GRM3: variants seen among roughly 807,000 people sequenced by gnomAD.
GRM3 encodes the protein metabotropic glutamate receptor 3.
In GRM3, 26 loss-of-function variants were observed where a neutral mutation model predicts 70.5. That is an observed-to-expected ratio of 0.37 (90% CI 0.27 to 0.51). The LOEUF (loss-of-function observed/expected upper bound fraction) is 0.51. GRM3 is among the 20% of genes least tolerant of loss of function. The pLI, the probability that GRM3 is intolerant of heterozygous loss-of-function variation, is 0.93. For synonymous variants in GRM3, 443 were observed against 434.9 expected, an observed-to-expected ratio of 1.02 and a Z score of -0.23; for missense variants, 859 against 1,123.8, an observed-to-expected ratio of 0.76 and a Z score of 3.37.
At chr7:86,750,924 C>G (rs542144629) in intron 1 of GRM3, among the ~76,000 whole-genome samples, 33 of 151,990 alleles carry the variant, frequency 2.2e-4, no homozygotes, top group Non-Finnish European at 2.9e-4. Flanking sequence ...ACTTTCAATA[C>G]AATTTGTGTG....
intron 4 of GRM3, among the ~76,000 whole-genome samples, chr7:86,842,215 G>T (rs2116745350): frequency 6.6e-6 from 1 of 152,256 alleles, no homozygotes; most frequent in East Asian, 1.9e-4. Flanking sequence ...GAAACCCTCA[G>T]CTCTAATAAA....
In GRM3 at chr7:86,649,037, C is replaced by T. The variant is rs567403418; in HGVS notation, c.-141+4165C>T. On this transcript the variant is annotated intron_variant, in intron 1 of 5. Transcript: ENST00000361669. ...GCTATCTTACTGCTTGTTAAGCATTCGACGGTACATGGAAACACTCACGTG... is the reference window on the plus strand; with the variant it reads ...GCTATCTTACTGCTTGTTAAGCATTTGACGGTACATGGAAACACTCACGTG... Among the ~76,000 whole-genome samples, 9 of 152,194 alleles carry T rather than the reference C, an allele frequency of 5.9e-5. No individual in the cohort carries two copies. In the South Asian group the frequency reaches 1.0e-3, roughly 18 times the overall value.
In GRM3 at chr7:86,828,111, CAAAAAA is replaced by C. The variant is rs55645713; in HGVS notation, c.1325-10707_1325-10702del. Among the ~76,000 whole-genome samples, 46 of 68,290 alleles carry C rather than the reference CAAAAAA, an allele frequency of 6.7e-4. No individual in the cohort carries two copies. The South Asian group carries it at 9.1e-3, about 13-fold the overall frequency. The allele number at this position is 68,290 out of a possible 152,430, so 44.8% of individuals were successfully genotyped here. A position where few individuals can be genotyped will look rare whatever the true frequency, so the allele number is the denominator to read the frequency against. Reference sequence around the variant, plus strand: ...TGGGCGACTGAGCAGAACTCCGTATCAAAAAAAAAAAAAAAAAAAAAAAAAATCCAA... The same window carrying C: ...TGGGCGACTGAGCAGAACTCCGTATCAAAAAAAAAAAAAAAAAAAATCCAA... On this transcript the variant is annotated intron_variant, in intron 3 of 5. Coordinates refer to ENST00000361669, the MANE Select transcript of GRM3 (RefSeq NM_000840.3).
chr7:86,681,030 A>G (rs933885436), intron 1 of GRM3, among the ~76,000 whole-genome samples: 1 of 152,136 alleles, frequency 6.6e-6, no homozygotes, highest in African/African-American at 2.4e-5. Flanking sequence ...CAGCACAATT[A>G]TCACAGCATT....
Position 86,839,595 on chromosome 7 carries a change from G to T in GRM3, c.2081G>T (p.Gly694Val). 1.9e-6 allele frequency: 3 copies of T among 1,613,946 alleles called. No individual in the cohort carries two copies. The highest frequency in any genetic ancestry group is 2.5e-6 in the Non-Finnish European group (3 of 1,179,946). ...AGTTCTCAGGTTTTCATCTGCCTGG[G>T]TCTGATCCTGGTGCAAATTGTGATG... Reference protein sequence around the residue: ...SPSSQVFICLGLILVQIVMVS... With the variant: ...SPSSQVFICLVLILVQIVMVS... The change falls in exon 4 of 6, where the codon GGT becomes GTT. Residue 694 changes from glycine to valine, a missense_variant. Physicochemically the swap from Gly to Val is moderately radical, Grantham distance 109. Transcript: ENST00000361669. The surrounding 1 kb of genome is among the most constrained non-coding windows in gnomAD (Gnocchi z 4.5).
intron 1 of GRM3, among the ~76,000 whole-genome samples, chr7:86,664,232 A>AT (rs1335878534): frequency 9.9e-5 from 15 of 151,840 alleles, no homozygotes; most frequent in South Asian, 8.3e-4. Flanking sequence ...CAGTTATGGG[A>AT]TTTTTTTTAT....
At chr7:86,728,571 T>C (rs1433767613) in intron 1 of GRM3, among the ~76,000 whole-genome samples, 4 of 152,314 alleles carry the variant, frequency 2.6e-5, no homozygotes, top group Middle Eastern at 3.4e-3. Context: ...TCTTCCAAAG[T>C]CCTGGCATGG....
chr7:86,851,161 T>A (rs1281043406), intron 5 of GRM3, among the ~76,000 whole-genome samples: 1 of 152,146 alleles, frequency 6.6e-6, no homozygotes, highest in Non-Finnish European at 1.5e-5. Context: ...TTTAAAAATA[T>A]TTTATCACAG....
chr7:86,767,987 A>G (rs1412810367), intron 2 of GRM3, among the ~76,000 whole-genome samples: 3 of 152,130 alleles, frequency 2.0e-5, no homozygotes, highest in Non-Finnish European at 4.4e-5. Flanking sequence ...TCTGGTCAAT[A>G]TCACCATGAA....
At chr7:86,672,461 C>T (rs919055718) in intron 1 of GRM3, among the ~76,000 whole-genome samples, 1 of 152,288 alleles carries the variant, frequency 6.6e-6, no homozygotes, top group Admixed American at 6.5e-5. Context: ...TTATGGGGCA[C>T]GTTTATATTG....
intron 1 of GRM3, among the ~76,000 whole-genome samples, chr7:86,697,071 G>A (rs925379200): frequency 2.6e-5 from 4 of 152,082 alleles, no homozygotes; most frequent in Non-Finnish European, 5.9e-5. Context: ...TTATAGGTAT[G>A]TGTTAAAAGA....
chr7:86,687,413 G>A (rs1209235540), intron 1 of GRM3, among the ~76,000 whole-genome samples: 1 of 151,854 alleles, frequency 6.6e-6, no homozygotes, highest in East Asian at 1.9e-4. Flanking sequence ...AACTAATTTT[G>A]ACTACCAATT....
In GRM3 at chr7:86,692,074, CA is replaced by C. The variant is rs201443098; in HGVS notation, c.-141+47207del. On this transcript the variant is annotated intron_variant, in intron 1 of 5. Coordinates refer to ENST00000361669, the MANE Select transcript of GRM3 (RefSeq NM_000840.3). ...GATTTCACAGAGTCTGGGCCCGAAT[CA>C]AAAATAAAGTGAATGTCAAACAAAG... 7.2e-5 allele frequency among the ~76,000 whole-genome samples: 11 copies of C among 152,152 alleles called. No individual in the cohort carries two copies. The East Asian group carries it at 2.1e-3, about 29-fold the overall frequency.
At chr7:86,812,460 G>A (rs956550084) in intron 3 of GRM3, among the ~76,000 whole-genome samples, 7 of 151,694 alleles carry the variant, frequency 4.6e-5, no homozygotes, top group East Asian at 1.9e-4. Flanking sequence ...TAGTTCTGAC[G>A]CCTGTTAACC....
Position 86,864,292 on chromosome 7 carries a change from C to T in GRM3, c.2577C>T (p.Ser859=). 6.3e-7 allele frequency: 1 copy of T among 1,582,800 alleles called. No homozygotes were observed. The highest frequency in any genetic ancestry group is 8.7e-7 in the Non-Finnish European group (1 of 1,151,590). Reference sequence around the variant, plus strand: ...CACTTTGTTTTCCAGCCTCTGCAAGCACGTATGTGCCAACGGTGTGCAATG... The same window carrying T: ...CACTTTGTTTTCCAGCCTCTGCAAGTACGTATGTGCCAACGGTGTGCAATG... ...TGTTYSQSSA[S]TYVPTVCNGR... Residue 859 remains serine, a synonymous_variant, in exon 6 of 6, where the codon AGC becomes AGT. Transcript: ENST00000361669.
chr7:86,716,069 T>C (rs137996447), intron 1 of GRM3, among the ~76,000 whole-genome samples: 149 of 152,108 alleles, frequency 9.8e-4, no homozygotes, highest in African/African-American at 3.4e-3. Flanking sequence ...CTTCTTTGCA[T>C]GTAAATGAAG....
chr7:86,817,868 C>A (rs1022591882), intron 3 of GRM3, among the ~76,000 whole-genome samples: 1 of 152,000 alleles, frequency 6.6e-6, no homozygotes, highest in Non-Finnish European at 1.5e-5. Context: ...CCAGAAGCAA[C>A]TTATACCACA....
At chr7:86,705,042 A>T (rs1795026959) in intron 1 of GRM3, among the ~76,000 whole-genome samples, 1 of 151,938 alleles carries the variant, frequency 6.6e-6, no homozygotes, top group African/African-American at 2.4e-5. Flanking sequence ...TTCCCTTTAT[A>T]TAGCATTTTT....
At chr7:86,769,170 G>A (rs1451331577) in intron 2 of GRM3, among the ~76,000 whole-genome samples, 1 of 152,062 alleles carries the variant, frequency 6.6e-6, no homozygotes, top group Non-Finnish European at 1.5e-5. Flanking sequence ...CACCTGGTGT[G>A]TGGTAACCGT....
Sources: gnomAD v4.1 joint callset for allele counts (sites outside exome capture counted in the v4.1 genomes callset) on GRCh38, gnomAD v4.1.1 for gene constraint, Gnocchi (gnomAD v3.1) non-coding constraint, MANE v1.5 for transcripts, NCBI Gene and HGNC (gene_info 2026-07-23, HGNC 2026-07-21) for gene names.